COL24A1: variants seen among roughly 807,000 people sequenced by gnomAD.
The protein encoded by COL24A1 is collagen alpha-1(XXIV) chain.
Under a neutral mutation model 253.9 loss-of-function variants are expected in COL24A1, and 224 were observed. The ratio of observed to expected loss-of-function variants is 0.88; its 90% CI spans 0.79 to 0.99. The LOEUF (loss-of-function observed/expected upper bound fraction) is 0.99, where lower values mean the gene tolerates loss of function less well. Among genes scored for constraint, COL24A1 ranks in the 50% least tolerant of loss-of-function variants. The pLI is 0.00. For synonymous variants in COL24A1, 685 were observed against 673.7 expected (o/e 1.02, Z -0.26); for missense variants, 2,131 against 2,068.5 (o/e 1.03, Z -0.59).
chr1:86,016,004 G>A (rs1313858848), intron 19 of COL24A1, among the ~76,000 whole-genome samples: 4 of 150,962 alleles, frequency 2.6e-5, no homozygotes, highest in Admixed American at 2.0e-4. Flanking sequence ...GGGACTACAG[G>A]TGTGAGCCAC....
At chr1:85,821,480 G>A (rs1673613334) in intron 45 of COL24A1, among the ~76,000 whole-genome samples, 2 of 152,020 alleles carry the variant, frequency 1.3e-5, no homozygotes, top group Admixed American at 6.6e-5. Flanking sequence ...ATTTTAAAGG[G>A]TCATTTCCAA....
intron 27 of COL24A1, among the ~76,000 whole-genome samples, chr1:85,907,851 G>A (rs1270801088): frequency 6.6e-6 from 1 of 151,480 alleles, no homozygotes; most frequent in Non-Finnish European, 1.5e-5. Context: ...TTAACCCAAG[G>A]TAGATAAAAA....
At chr1:85,874,960 C>T (rs770614020) in intron 34 of COL24A1, among the ~76,000 whole-genome samples, 2 of 152,162 alleles carry the variant, frequency 1.3e-5, no homozygotes, top group Non-Finnish European at 2.9e-5. Flanking sequence ...ACTGTGCATT[C>T]GAGGGATCTG....
At position 85,990,221 on chromosome 1, in the gene COL24A1, T is replaced by C. The variant is rs537539681; in HGVS notation, c.2311-2567A>G. Among the ~76,000 whole-genome samples, 14 of 152,346 alleles carry C rather than the reference T, an allele frequency of 9.2e-5. No individual in the cohort carries two copies. In the South Asian group the frequency reaches 2.5e-3, roughly 27 times the overall value. On this transcript the variant is annotated intron_variant, in intron 19 of 59. Transcript: ENST00000370571. Reference sequence around the variant, plus strand: ...TCAGCCAATTTAGAGCATTTACTCATAGCATCTGCATGGATAAATCAATAA... The same window carrying C: ...TCAGCCAATTTAGAGCATTTACTCACAGCATCTGCATGGATAAATCAATAA...
chr1:85,763,560 C>T (rs1667054601), intron 53 of COL24A1, among the ~76,000 whole-genome samples: 1 of 140,790 alleles, frequency 7.1e-6, no homozygotes, highest in Non-Finnish European at 1.5e-5. Context: ...GGTGCGATCT[C>T]GGCTCACTGC....
At chr1:86,024,059 C>T (rs1325516975) in intron 14 of COL24A1, among the ~76,000 whole-genome samples, 3 of 152,062 alleles carry the variant, frequency 2.0e-5, no homozygotes, top group Non-Finnish European at 1.5e-5. Flanking sequence ...CTCTATTAGG[C>T]TTCCATCAAA....
chr1:85,868,789 C>A lies in COL24A1; in HGVS notation c.3185G>T (p.Gly1062Val), dbSNP rs200013419. The A allele has an allele frequency of 1.3e-4, 209 of 1,575,836 alleles. 1 individual carries two copies. In the Middle Eastern group the frequency reaches 2.9e-3, roughly 22 times the overall value. ...PGEEGLQGKD[G>V]LKGVPGGRGL... ...CTTAAAAGTATAATTTACCTTTAACCCATCTTTTCCCTGGAGACCTTCTTC... is the reference window on the plus strand; with the variant it reads ...CTTAAAAGTATAATTTACCTTTAACACATCTTTTCCCTGGAGACCTTCTTC... The change falls in exon 36 of 60, where the codon GGG becomes GTG. Residue 1062 changes from glycine (G) to valine (V), a missense_variant. Coordinates refer to ENST00000370571, the MANE Select transcript of COL24A1 (RefSeq NM_152890.7).
chr1:86,122,820 G>A (rs185386347), intron 3 of COL24A1, among the ~76,000 whole-genome samples: 9 of 151,966 alleles, frequency 5.9e-5, no homozygotes, highest in Admixed American at 6.6e-5. Flanking sequence ...CAGAAACTTC[G>A]TATCCTGGAC....
intron 47 of COL24A1, among the ~76,000 whole-genome samples, chr1:85,789,122 G>T (rs1195896091): frequency 6.6e-6 from 1 of 152,110 alleles, no homozygotes; most frequent in Non-Finnish European, 1.5e-5. Flanking sequence ...AGTTTTATGG[G>T]AATAGTATTG....
intron 24 of COL24A1, among the ~76,000 whole-genome samples, chr1:85,950,342 AT>A (rs1454808500): frequency 6.6e-6 from 1 of 152,208 alleles, no homozygotes; most frequent in East Asian, 1.9e-4. Context: ...CATATTACGG[AT>A]GTAGAATTTA....
At chr1:86,134,185 C>T (rs1324060964) in intron 2 of COL24A1, among the ~76,000 whole-genome samples, 22 of 150,366 alleles carry the variant, frequency 1.5e-4, no homozygotes, top group East Asian at 6.0e-4. Flanking sequence ...TCTGTGGGAT[C>T]GGTGGTGATA....
chr1:85,831,635 G>T (rs1402158467), intron 43 of COL24A1, among the ~76,000 whole-genome samples: 3 of 152,120 alleles, frequency 2.0e-5, no homozygotes, highest in Non-Finnish European at 4.4e-5. Context: ...GATAATATTA[G>T]TGGTGGGATG....
intron 10 of COL24A1, among the ~76,000 whole-genome samples, chr1:86,050,802 T>C (rs954228494): frequency 6.6e-6 from 1 of 152,164 alleles, no homozygotes; most frequent in African/African-American, 2.4e-5. Flanking sequence ...TCCAATCTGA[T>C]CTGAGAAACA....
chr1:86,028,446 C>T (rs112496575), intron 14 of COL24A1, among the ~76,000 whole-genome samples: 13,224 of 152,178 alleles, frequency 0.087, 706 homozygotes, highest in Middle Eastern at 0.19. Context: ...GTGAGGCTCA[C>T]GAGATCTCAT....
At chr1:86,045,640 A>G (rs963974699) in intron 12 of COL24A1, among the ~76,000 whole-genome samples, 1 of 152,194 alleles carries the variant, frequency 6.6e-6, no homozygotes, top group Non-Finnish European at 1.5e-5. Context: ...TACTTATCAC[A>G]GTGTTGAGAA....
intron 24 of COL24A1, among the ~76,000 whole-genome samples, chr1:85,955,127 T>C (rs1690308436): frequency 1.3e-5 from 2 of 152,034 alleles, no homozygotes; most frequent in Admixed American, 6.5e-5. Flanking sequence ...GGGTGGATGA[T>C]AAGAGAAGCA....
intron 9 of COL24A1, 87 bp from the exon 10 acceptor site, chr1:86,058,062 C>G (rs2101738264): frequency 9.8e-7 from 1 of 1,020,150 alleles, no homozygotes; most frequent in Non-Finnish European, 1.4e-6. Context: ...ATATAAAGAG[C>G]TATCATTTTC....
chr1:85,944,867 C>G (rs565816281), intron 24 of COL24A1, among the ~76,000 whole-genome samples: 4 of 151,176 alleles, frequency 2.6e-5, no homozygotes, highest in African/African-American at 9.7e-5. Flanking sequence ...TTTGTTCTTG[C>G]GATAGTTTAC....
intron 28 of COL24A1, among the ~76,000 whole-genome samples, chr1:85,898,535 A>G (rs762585458): frequency 3.3e-5 from 5 of 152,184 alleles, no homozygotes; most frequent in Non-Finnish European, 5.9e-5. Context: ...CTATTTTCCA[A>G]TGAAGGACTG....
Sources: gnomAD v4.1 joint callset for allele counts (sites outside exome capture counted in the v4.1 genomes callset) on GRCh38, gnomAD v4.1.1 for gene constraint, MANE v1.5 for transcripts, NCBI Gene and HGNC (gene_info 2026-07-23, HGNC 2026-07-21) for gene names.